The following KDM7A variants were observed in gnomAD, a reference collection of about 807,000 sequenced individuals.
The protein encoded by KDM7A is lysine demethylase 7A, also known as lysine-specific demethylase 7A.
Under a neutral mutation model 114.8 loss-of-function variants are expected in KDM7A, and 28 were observed. That is an observed-to-expected ratio of 0.24 (90% CI 0.18 to 0.33). KDM7A has a LOEUF of 0.33. Among genes scored for constraint, KDM7A ranks in the 10% least tolerant of loss-of-function variants. The probability of loss-of-function intolerance (pLI) is 1.00; values close to 1 mark genes in which losing one functional copy is unlikely to be tolerated. For missense variants in KDM7A, 942 were observed against 1,142.5 expected, an observed-to-expected ratio of 0.82 and a Z score of 2.53; for synonymous variants, 423 against 397.8, an observed-to-expected ratio of 1.06 and a Z score of -0.75.
intron 2 of KDM7A, among the ~76,000 whole-genome samples, chr7:140,134,237 A>G (rs964468893): frequency 6.6e-6 from 1 of 152,236 alleles, no homozygotes; most frequent in African/African-American, 2.4e-5. Flanking sequence ...AGACCCTGTA[A>G]TTCTACAGCT....
chr7:140,094,141 A>G lies in KDM7A; in HGVS notation c.2375-3T>C, dbSNP rs906444221. ...ATCTTCAGTCTTGACATGGTATCCT[A>G]AAGAGAAGTTTTAGTTTAATTAACT... On this transcript the variant is annotated splice_region_variant and splice_polypyrimidine_tract_variant and intron_variant, in intron 17 of 19. Transcript: ENST00000397560. 1 of 1,555,778 alleles carries G rather than the reference A, an allele frequency of 6.4e-7. No homozygotes were observed. Among genetic ancestry groups the G allele is most frequent in the Non-Finnish European group, 8.9e-7 (1 of 1,126,784 alleles).
At chr7:140,118,726 T>C (rs1434743369) in intron 9 of KDM7A, among the ~76,000 whole-genome samples, 1 of 152,116 alleles carries the variant, frequency 6.6e-6, no homozygotes, top group Non-Finnish European at 1.5e-5. Flanking sequence ...TAGTTTGCTT[T>C]TTTAAAAGCA....
intron 3 of KDM7A, among the ~76,000 whole-genome samples, chr7:140,130,655 C>T (rs1027720599): frequency 2.0e-5 from 3 of 151,802 alleles, no homozygotes; most frequent in Non-Finnish European, 2.9e-5. Flanking sequence ...AAAACAAAAA[C>T]GAGTCAGATT....
intron 17 of KDM7A, among the ~76,000 whole-genome samples, chr7:140,096,144 A>T (rs1320517817): frequency 2.0e-5 from 3 of 152,148 alleles, no homozygotes; most frequent in African/African-American, 7.2e-5. Context: ...CTTTTCAAGT[A>T]GGAGAAGGAA....
chr7:140,133,753 G>T (rs934165351), intron 2 of KDM7A, 97 bp from the exon 3 acceptor site: 1 of 648,212 alleles, frequency 1.5e-6, no homozygotes. Context: ...AATAACAATT[G>T]TAAGTACATT....
intron 7 of KDM7A, among the ~76,000 whole-genome samples, chr7:140,124,106 G>A (rs1236358139): frequency 6.6e-6 from 1 of 151,462 alleles, no homozygotes; most frequent in Non-Finnish European, 1.5e-5. Context: ...AATATGCTAA[G>A]TGAAAGAAGC....
rs867248168 is a variant in KDM7A at position 140,114,988 on chromosome 7, C to T, written c.1247-1406G>A. The stretch of plus-strand genomic sequence containing the variant: ...CCCTCCGCCCGGCAGCCGCCCCATC[C>T]GGGAAGTGAGGAGCGTCTCTGCCCG... On this transcript the variant is annotated intron_variant, in intron 9 of 19. Coordinates refer to ENST00000397560, the MANE Select transcript of KDM7A (RefSeq NM_030647.2). 1.6e-4 allele frequency among the ~76,000 whole-genome samples: 23 copies of T among 141,044 alleles called. No homozygotes were observed. The East Asian group carries it at 2.4e-3, about 15-fold the overall frequency. The allele number at this position is 141,044 out of a possible 152,430, so 92.5% of individuals were successfully genotyped here.
chr7:140,151,356 T>A (rs982618058), intron 1 of KDM7A, among the ~76,000 whole-genome samples: 5 of 152,174 alleles, frequency 3.3e-5, no homozygotes, highest in African/African-American at 4.8e-5. Context: ...CAGATCTACC[T>A]AAAGCTGATT....
Position 140,176,057 on chromosome 7 carries a change from C to A in KDM7A, c.194+687G>T, listed in dbSNP as rs1249857536. 2.6e-5 allele frequency among the ~76,000 whole-genome samples: 4 copies of A among 151,786 alleles called. No individual in the cohort carries two copies. The highest frequency in any genetic ancestry group is 9.7e-5 in the African/African-American group (4 of 41,322). ...CCGCCCGCCGGGGGCCCGGCCCCAA[C>A]TTCCCCGGCACCTTTCAAGTCCCCG... On this transcript the variant is annotated intron_variant, in intron 1 of 19. Transcript: ENST00000397560. The surrounding 1 kb of genome is among the most constrained non-coding windows in gnomAD (Gnocchi z 4.4).
chr7:140,151,279 A>G (rs1794397543), intron 1 of KDM7A, among the ~76,000 whole-genome samples: 1 of 152,178 alleles, frequency 6.6e-6, no homozygotes, highest in Non-Finnish European at 1.5e-5. Context: ...TTTCTATGAA[A>G]GCTTCGTTGG....
In KDM7A at chr7:140,176,761, C is replaced by G; in HGVS notation, c.177G>C (p.Lys59Asn). 1 of 1,401,676 alleles carries G rather than the reference C, an allele frequency of 7.1e-7. No homozygotes were observed. The highest frequency in any genetic ancestry group is 9.5e-7 in the Non-Finnish European group (1 of 1,053,880). 86.8% of individuals were successfully genotyped at this position (1,401,676 alleles called of 1,614,324 possible). ...TTATTTACCTGCCGTGGAACCAGTC[C>G]TTGCAGATATCGCACTCGATCATGA... is the stretch of plus-strand genomic sequence containing the variant. ...NRFMIECDIC[K>N]DWFHGSCVGV... The change falls in exon 1 of 20, where the codon AAG becomes AAC. Residue 59 changes from lysine to asparagine, a missense_variant. Around this residue, in one of 4 missense-constraint regions of KDM7A, gnomAD observed 112 missense variants for 96.2 expected, o/e 1.16. Coordinates refer to ENST00000397560, the MANE Select transcript of KDM7A (RefSeq NM_030647.2). This position sits in a 1 kb window ranked among gnomAD's most constrained non-coding sequence, Gnocchi z 4.4.
At chr7:140,110,670 C>T (rs1260945611) in intron 11 of KDM7A, among the ~76,000 whole-genome samples, 3 of 152,250 alleles carry the variant, frequency 2.0e-5, no homozygotes, top group East Asian at 3.9e-4. Flanking sequence ...TTTACCTAAG[C>T]ATCTCCTTGC....
At chr7:140,150,733 G>A (rs976336527) in intron 1 of KDM7A, among the ~76,000 whole-genome samples, 6 of 151,718 alleles carry the variant, frequency 4.0e-5, no homozygotes, top group Admixed American at 3.3e-4. Context: ...AATCAGCAGT[G>A]TACATTGTTT....
intron 12 of KDM7A, among the ~76,000 whole-genome samples, chr7:140,100,703 T>C (rs1440269156): frequency 2.1e-4 from 8 of 38,028 alleles, no homozygotes; most frequent in Non-Finnish European, 4.0e-4. Context: ...TATATATATA[T>C]ATATACACAT....
At chr7:140,106,326 T>C (rs1169940221) in intron 11 of KDM7A, among the ~76,000 whole-genome samples, 1 of 152,202 alleles carries the variant, frequency 6.6e-6, no homozygotes, top group Non-Finnish European at 1.5e-5. Context: ...TGCCTTCTGC[T>C]AGCTTTTGAA....
At chr7:140,161,954 T>A (rs1023486951) in intron 1 of KDM7A, among the ~76,000 whole-genome samples, 1 of 152,210 alleles carries the variant, frequency 6.6e-6, no homozygotes, top group African/African-American at 2.4e-5. Flanking sequence ...TTTTTGCACA[T>A]TAAAAATACC....
In KDM7A at chr7:140,090,643, A is replaced by T. The variant is rs2116730616; in HGVS notation, c.*451T>A. The T allele has an allele frequency of 6.5e-6, 1 of 154,212 alleles. No individual in the cohort carries two copies. Among genetic ancestry groups the T allele is most frequent in the Middle Eastern group, 3.3e-3 (1 of 302 alleles). 9.6% of individuals were successfully genotyped at this position (154,212 alleles called of 1,614,324 possible). ...ACACACACACTATCAAAAATAATTT[A>T]AAAACCTTCACATTCTTACATCTAA... On this transcript the variant is annotated 3_prime_UTR_variant, in exon 20 of 20. Coordinates refer to ENST00000397560, the MANE Select transcript of KDM7A (RefSeq NM_030647.2).
At chr7:140,123,439 C>T (rs890217054) in intron 7 of KDM7A, among the ~76,000 whole-genome samples, 1 of 152,204 alleles carries the variant, frequency 6.6e-6, no homozygotes, top group Non-Finnish European at 1.5e-5. Context: ...AACCCAATGT[C>T]CACCAACTGG....
chr7:140,129,465 C>G (rs933381222), intron 4 of KDM7A, 28 bp downstream of exon 4: 31 of 1,567,928 alleles, frequency 2.0e-5, no homozygotes, highest in Non-Finnish European at 2.5e-5. Context: ...CATGTTTTCC[C>G]AGGTACTTAA....
Sources: gnomAD v4.1 joint callset for allele counts (sites outside exome capture counted in the v4.1 genomes callset) on GRCh38, gnomAD v4.1.1 for gene constraint, gnomAD v4.1.1 regional missense constraint, Gnocchi (gnomAD v3.1) non-coding constraint, MANE v1.5 for transcripts, NCBI Gene and HGNC (gene_info 2026-07-23, HGNC 2026-07-21) for gene names.